ZFAND3: variants seen among roughly 807,000 people sequenced by gnomAD.
ZFAND3 encodes the protein AN1-type zinc finger protein 3.
A neutral mutation model predicts 29.6 loss-of-function variants in ZFAND3; 10 were observed. The ratio of observed to expected loss-of-function variants is 0.34; its 90% CI spans 0.21 to 0.57. The LOEUF (loss-of-function observed/expected upper bound fraction) is 0.57, where lower values mean the gene tolerates loss of function less well. Among genes scored for constraint, ZFAND3 ranks in the 20% least tolerant of loss-of-function variants. The pLI is 0.86. For synonymous variants in ZFAND3, 128 were observed against 112.6 expected (o/e 1.14, Z -0.87); for missense variants, 230 against 304.5 (o/e 0.76, Z 1.82).
intron 1 of ZFAND3, among the ~76,000 whole-genome samples, chr6:37,850,053 TAGTG>T (rs1291653928): frequency 6.6e-6 from 1 of 152,148 alleles, no homozygotes; most frequent in Non-Finnish European, 1.5e-5. Context: ...AGTGGACCAT[TAGTG>T]AGAACATTCC....
chr6:38,067,843 A>T (rs778274086), intron 3 of ZFAND3, among the ~76,000 whole-genome samples: 1 of 152,112 alleles, frequency 6.6e-6, no homozygotes, highest in Non-Finnish European at 1.5e-5. Context: ...GAGCATCCCT[A>T]TTTATGACCT....
chr6:37,867,614 C>T (rs1181908119), intron 1 of ZFAND3, among the ~76,000 whole-genome samples: 1 of 152,100 alleles, frequency 6.6e-6, no homozygotes, highest in Non-Finnish European at 1.5e-5. Context: ...TGGTACTTGT[C>T]CAATTTTTTT....
intron 1 of ZFAND3, among the ~76,000 whole-genome samples, chr6:37,848,455 G>A (rs1764221763): frequency 6.6e-6 from 1 of 152,216 alleles, no homozygotes; most frequent in Non-Finnish European, 1.5e-5. Flanking sequence ...AATAAATGGA[G>A]AATCATTAGA....
intron 4 of ZFAND3, among the ~76,000 whole-genome samples, chr6:38,094,268 TAGTTTA>T (rs1251828922): frequency 9.2e-5 from 14 of 151,990 alleles, no homozygotes; most frequent in Non-Finnish European, 8.8e-5. Context: ...TGTCATTAAG[TAGTTTA>T]AGTTTATAGT....
intron 1 of ZFAND3, among the ~76,000 whole-genome samples, chr6:37,922,378 C>G (rs1433597554): frequency 6.6e-6 from 1 of 151,708 alleles, no homozygotes; most frequent in Non-Finnish European, 1.5e-5. Context: ...TGGATTGTCA[C>G]AGAGCAACAC....
intron 2 of ZFAND3, among the ~76,000 whole-genome samples, chr6:38,026,444 T>TG (rs1763450053): frequency 8.3e-6 from 1 of 120,970 alleles, no homozygotes; most frequent in East Asian, 2.1e-4. Flanking sequence ...TTTTTTTTTT[T>TG]TTTGAGACAA....
At chr6:37,984,650 A>G (rs1165180600) in intron 2 of ZFAND3, among the ~76,000 whole-genome samples, 1 of 152,244 alleles carries the variant, frequency 6.6e-6, no homozygotes, top group Non-Finnish European at 1.5e-5. Flanking sequence ...TTGTCTTAAA[A>G]GTGATTTATT....
At chr6:37,958,751 C>T (rs962259610) in intron 2 of ZFAND3, among the ~76,000 whole-genome samples, 1 of 152,004 alleles carries the variant, frequency 6.6e-6, no homozygotes, top group Non-Finnish European at 1.5e-5. Flanking sequence ...CCTTCCCCAC[C>T]CACCGACGGA....
intron 4 of ZFAND3, among the ~76,000 whole-genome samples, chr6:38,103,915 T>C (rs1157546912): frequency 6.6e-6 from 1 of 152,242 alleles, no homozygotes; most frequent in Non-Finnish European, 1.5e-5. Context: ...GTTGTTGAAC[T>C]CCAAAATGCC....
At chr6:37,848,591 A>G (rs1016209799) in intron 1 of ZFAND3, among the ~76,000 whole-genome samples, 2 of 152,128 alleles carry the variant, frequency 1.3e-5, no homozygotes, top group African/African-American at 4.8e-5. Flanking sequence ...GTTAAAAATT[A>G]TTTTTCTGGT....
intron 2 of ZFAND3, among the ~76,000 whole-genome samples, chr6:37,939,651 CAAAG>C (rs1761777596): frequency 6.6e-6 from 1 of 152,134 alleles, no homozygotes; most frequent in Admixed American, 6.5e-5. Context: ...ACACCTTTAT[CAAAG>C]CTTGGAGACT....
intron 2 of ZFAND3, among the ~76,000 whole-genome samples, chr6:38,030,561 G>A (rs1370623956): frequency 6.6e-6 from 1 of 152,092 alleles, no homozygotes; most frequent in African/African-American, 2.4e-5. Flanking sequence ...ATTCCAAGAA[G>A]CAGTGATAAG....
intron 2 of ZFAND3, among the ~76,000 whole-genome samples, chr6:38,034,027 G>A (rs1763612174): frequency 6.6e-6 from 1 of 152,084 alleles, no homozygotes. Flanking sequence ...CTTGTGCATT[G>A]ATTTTCTAAC....
Position 38,138,364 on chromosome 6 carries a change from TTAAA to T in ZFAND3, c.530-13868_530-13865del, listed in dbSNP as rs1422077961. ...TTTTTATTATATTCATGTACTACCT[TTAAA>T]TAGGCAAAGTAAGAATGAACAAATA... On this transcript the variant is annotated intron_variant, in intron 5 of 5. Coordinates refer to ENST00000287218, the MANE Select transcript of ZFAND3 (RefSeq NM_021943.3). 3.9e-5 allele frequency among the ~76,000 whole-genome samples: 6 copies of T among 152,200 alleles called. No homozygotes were observed. The South Asian group carries it at 1.2e-3, about 31-fold the overall frequency.
chr6:37,929,820 T>C, intron 1 of ZFAND3, 139 bp from the exon 2 acceptor site: 1 of 621,714 alleles, frequency 1.6e-6, no homozygotes, highest in Non-Finnish European at 2.5e-6. Flanking sequence ...GCTAGGGACT[T>C]GTTATTAATT....
intron 1 of ZFAND3, among the ~76,000 whole-genome samples, chr6:37,829,369 C>G (rs1763817823): frequency 6.6e-6 from 1 of 152,124 alleles, no homozygotes; most frequent in African/African-American, 2.4e-5. Context: ...AACCCCATCT[C>G]TACTGAAAAT....
chr6:38,014,781 C>G (rs1004755218), intron 2 of ZFAND3, among the ~76,000 whole-genome samples: 11 of 152,284 alleles, frequency 7.2e-5, no homozygotes, highest in Non-Finnish European at 1.0e-4. Flanking sequence ...AGGGAGGAGG[C>G]ATTTCCTATT....
At chr6:37,851,329 G>GT (rs747945725) in intron 1 of ZFAND3, among the ~76,000 whole-genome samples, 1 of 151,710 alleles carries the variant, frequency 6.6e-6, no homozygotes. Flanking sequence ...TTGGATTCCA[G>GT]TTTTTTCCCA....
intron 1 of ZFAND3, chr6:37,833,190 T>C (rs1361484412): frequency 6.6e-6 from 1 of 152,236 alleles, no homozygotes; most frequent in Non-Finnish European, 1.5e-5. Flanking sequence ...ACAGGCATGC[T>C]ACCATTGTAT....
Sources: allele counts gnomAD v4.1 joint callset (sites outside exome capture counted in the v4.1 genomes callset), GRCh38; gene constraint gnomAD v4.1.1; transcripts MANE v1.5; gene names NCBI Gene and HGNC (gene_info 2026-07-23, HGNC 2026-07-21).